DHRSX: variants seen among roughly 807,000 people sequenced by gnomAD.
DHRSX encodes polyprenol dehydrogenase.
DHRSX carries 31 observed loss-of-function variants against 34.0 expected under a neutral mutation model. The ratio of observed to expected loss-of-function variants is 0.91; its 90% CI spans 0.69 to 1.23. The LOEUF (loss-of-function observed/expected upper bound fraction) is 1.23, where lower values mean the gene tolerates loss of function less well. Ranked by LOEUF, DHRSX falls within the 50% of genes most tolerant of loss-of-function variation. The pLI, the probability that DHRSX is intolerant of heterozygous loss-of-function variation, is 0.00. For synonymous variants in DHRSX, 201 were observed against 183.8 expected (o/e 1.09, Z -0.76); for missense variants, 414 against 428.1 (o/e 0.97, Z 0.29).
Position 2,242,960 on chromosome X carries a change from G to T in DHRSX, c.804+63C>A, listed in dbSNP as rs1334179330. 4 of 1,526,832 alleles carry T rather than the reference G, an allele frequency of 2.6e-6. No individual in the cohort carries two copies. In the African/African-American group the frequency reaches 5.5e-5, roughly 21 times the overall value. The allele number at this position is 1,526,832 out of a possible 1,614,324, so 94.6% of individuals were successfully genotyped here. A position where few individuals can be genotyped will look rare whatever the true frequency, so the allele number is the denominator to read the frequency against. ...AACCCTCCCTTGGGGTCTGGACTGGGGACCCCCTTTCCTGTAGCATCTTCA... is the reference window on the plus strand; with the variant it reads ...AACCCTCCCTTGGGGTCTGGACTGGTGACCCCCTTTCCTGTAGCATCTTCA... On this transcript the variant is annotated intron_variant, in intron 6 of 6. Transcript: ENST00000334651.
At chrX:2,457,470 G>T (rs1166370182) in intron 1 of DHRSX, among the ~76,000 whole-genome samples, 2 of 148,590 alleles carry the variant, frequency 1.3e-5, no homozygotes, top group African/African-American at 5.0e-5. Context: ...TTTACACACT[G>T]AAGACATTCC....
At chrX:2,285,238 G>A (rs192587783) in intron 4 of DHRSX, among the ~76,000 whole-genome samples, 5 of 152,146 alleles carry the variant, frequency 3.3e-5, no homozygotes, top group Admixed American at 1.3e-4. Context: ...TCTACAAGTC[G>A]CCATCATATA....
chrX:2,362,285 A>G (rs1431647065), intron 3 of DHRSX, among the ~76,000 whole-genome samples: 1 of 152,084 alleles, frequency 6.6e-6, no homozygotes, highest in African/African-American at 2.4e-5. Flanking sequence ...AAAGACCCAT[A>G]AGGTCTACCT....
At chrX:2,411,477 C>G (rs965805353) in intron 2 of DHRSX, among the ~76,000 whole-genome samples, 1 of 150,822 alleles carries the variant, frequency 6.6e-6, no homozygotes, top group Non-Finnish European at 1.5e-5. Context: ...TGAACCAGGA[C>G]CCGGGAAGCA....
chrX:2,498,456 T>A (rs970982557), intron 1 of DHRSX, among the ~76,000 whole-genome samples: 5 of 152,082 alleles, frequency 3.3e-5, no homozygotes, highest in African/African-American at 4.8e-5. Context: ...TTATTTTTAA[T>A]CCATACATAG....
chrX:2,486,057 A>G (rs1359709636), intron 1 of DHRSX, among the ~76,000 whole-genome samples: 2 of 151,632 alleles, frequency 1.3e-5, no homozygotes, highest in African/African-American at 4.9e-5. Flanking sequence ...CTGGGGGGAG[A>G]GGGAAGGCGC....
At chrX:2,376,458 G>C (rs1365151412) in intron 3 of DHRSX, among the ~76,000 whole-genome samples, 2 of 137,396 alleles carry the variant, frequency 1.5e-5, no homozygotes, top group African/African-American at 4.9e-5. Flanking sequence ...CAAGAGCCTG[G>C]AGATCTAACA....
chrX:2,470,655 T>A (rs901982434), intron 1 of DHRSX, among the ~76,000 whole-genome samples: 2 of 152,108 alleles, frequency 1.3e-5, no homozygotes, highest in African/African-American at 4.8e-5. Flanking sequence ...TGCTGAGAGC[T>A]ATGAACATGA....
At chrX:2,491,848 AG>A (rs2045155366) in intron 1 of DHRSX, among the ~76,000 whole-genome samples, 1 of 152,220 alleles carries the variant, frequency 6.6e-6, no homozygotes, top group South Asian at 2.1e-4. Context: ...GTGGAGGCTT[AG>A]ATGACCCAGA....
chrX:2,333,187 TTATTC>T (rs1218521190), intron 3 of DHRSX, among the ~76,000 whole-genome samples: 1 of 152,196 alleles, frequency 6.6e-6, no homozygotes, highest in African/African-American at 2.4e-5. Context: ...GTGATGCATT[TTATTC>T]TTTTTTATAA....
chrX:2,454,509 A>G (rs1311964655), intron 1 of DHRSX, among the ~76,000 whole-genome samples: 2 of 144,620 alleles, frequency 1.4e-5, no homozygotes, highest in Non-Finnish European at 3.0e-5. Context: ...CCTGGGCAAC[A>G]AGAGAGAAAC....
chrX:2,388,853 C>G (rs1422530028), intron 3 of DHRSX, among the ~76,000 whole-genome samples: 6 of 151,644 alleles, frequency 4.0e-5, no homozygotes, highest in Admixed American at 3.9e-4. Flanking sequence ...CTATGGTATT[C>G]TGTGACAGCA....
At chrX:2,410,484 C>T (rs1326712387) in intron 2 of DHRSX, among the ~76,000 whole-genome samples, 6 of 152,154 alleles carry the variant, frequency 3.9e-5, no homozygotes, top group East Asian at 1.9e-4. Context: ...AGTACAGCAC[C>T]GTCCCCGGGT....
At chrX:2,500,443 A>G in intron 1 of DHRSX, 1 of 163,888 alleles carries the variant, frequency 6.1e-6, no homozygotes, top group Non-Finnish European at 1.4e-5. Flanking sequence ...GGGGCGTGCG[A>G]GCCCCCGGGT....
chrX:2,411,026 A>G (rs1490510721), intron 2 of DHRSX, among the ~76,000 whole-genome samples: 1 of 152,126 alleles, frequency 6.6e-6, no homozygotes, highest in Non-Finnish European at 1.5e-5. Context: ...GTGGGTTTCG[A>G]CGGGAGGGAG....
At chrX:2,448,025 T>C (rs967209169) in intron 1 of DHRSX, among the ~76,000 whole-genome samples, 2 of 149,542 alleles carry the variant, frequency 1.3e-5, no homozygotes, top group Non-Finnish European at 3.0e-5. Context: ...TGAAACCCCA[T>C]CTCTAAAAAA....
chrX:2,250,288 A>G (rs1377807489), intron 5 of DHRSX, among the ~76,000 whole-genome samples: 1 of 152,012 alleles, frequency 6.6e-6, no homozygotes, highest in Non-Finnish European at 1.5e-5. Flanking sequence ...TGATCCTTTC[A>G]GGGGTTTGAA....
At position 2,401,764 on chromosome X, in the gene DHRSX, C is replaced by G. The variant is rs537496752; in HGVS notation, c.286+6981G>C. 9.8e-5 allele frequency among the ~76,000 whole-genome samples: 15 copies of G among 152,302 alleles called. No individual in the cohort carries two copies. In the South Asian group the frequency reaches 2.9e-3, roughly 29 times the overall value. On this transcript the variant is annotated intron_variant, in intron 3 of 6. Coordinates refer to ENST00000334651, the MANE Select transcript of DHRSX (RefSeq NM_145177.3). ...AGACTATTTGTTCTAAGTAAGACAG[C>G]TTTCATCAGCACATAATTACCCAGG...
chrX:2,314,245 A>G (rs1602925932), intron 3 of DHRSX, among the ~76,000 whole-genome samples: 6 of 9,164 alleles, frequency 6.5e-4, no homozygotes, highest in African/African-American at 1.5e-3. Flanking sequence ...GAGGGAAGGA[A>G]GGGAGGGAAG....
Sources: gnomAD v4.1 joint callset for allele counts (sites outside exome capture counted in the v4.1 genomes callset) on GRCh38, gnomAD v4.1.1 for gene constraint, MANE v1.5 for transcripts, NCBI Gene and HGNC (gene_info 2026-07-23, HGNC 2026-07-21) for gene names.